The following MGAT4C variants were observed in gnomAD, a reference collection of about 807,000 sequenced individuals.
MGAT4C encodes the protein MGAT4 family member C.
Under a neutral mutation model 40.1 loss-of-function variants are expected in MGAT4C, and 19 were observed. That is an observed-to-expected ratio of 0.47 (90% CI 0.33 to 0.70). MGAT4C has a LOEUF of 0.70. MGAT4C is among the 30% of genes least tolerant of loss of function. The probability of loss-of-function intolerance (pLI) is 0.02; values close to 1 mark genes in which losing one functional copy is unlikely to be tolerated. For missense variants in MGAT4C, 491 were observed against 563.2 expected, an observed-to-expected ratio of 0.87 and a Z score of 1.30; for synonymous variants, 181 against 187.1, an observed-to-expected ratio of 0.97 and a Z score of 0.27.
At chr12:86,473,596 A>G (rs1438186921) in intron 2 of MGAT4C, among the ~76,000 whole-genome samples, 1 of 152,204 alleles carries the variant, frequency 6.6e-6, no homozygotes, top group Non-Finnish European at 1.5e-5. Flanking sequence ...TGCCTTCAAG[A>G]GCCTTGAGAA....
intron 4 of MGAT4C, among the ~76,000 whole-genome samples, chr12:86,322,799 G>A (rs1954428155): frequency 1.3e-5 from 2 of 152,026 alleles, no homozygotes; most frequent in South Asian, 2.1e-4. Context: ...TTTTTAGATT[G>A]CAAAATTATA....
At chr12:86,011,774 A>G in intron 2 of MGAT4C, 1 of 921,042 alleles carries the variant, frequency 1.1e-6, no homozygotes, top group East Asian at 1.2e-4. Flanking sequence ...TAAACACTAT[A>G]TTGAACATGG....
intron 1 of MGAT4C, among the ~76,000 whole-genome samples, chr12:86,071,799 T>C (rs1377196544): frequency 6.6e-6 from 1 of 152,146 alleles, no homozygotes; most frequent in Non-Finnish European, 1.5e-5. Flanking sequence ...TAAAACGTGT[T>C]AGATCCAGAA....
At chr12:86,620,441 T>C (rs762552192) in intron 2 of MGAT4C, among the ~76,000 whole-genome samples, 2 of 152,168 alleles carry the variant, frequency 1.3e-5, no homozygotes, top group East Asian at 1.9e-4. Flanking sequence ...GAGGCCATTA[T>C]CTTATAAGAA....
chr12:86,474,899 C>T (rs2136307169), intron 2 of MGAT4C, among the ~76,000 whole-genome samples: 1 of 151,950 alleles, frequency 6.6e-6, no homozygotes, highest in East Asian at 1.9e-4. Context: ...TCCAACCAGT[C>T]AATAATTGAA....
chr12:86,789,552 G>T (rs1359023604), intron 1 of MGAT4C, among the ~76,000 whole-genome samples: 1 of 152,046 alleles, frequency 6.6e-6, no homozygotes, highest in East Asian at 1.9e-4. Context: ...TTTCAGCCCA[G>T]TTGAACACTC....
chr12:86,091,458 G>C (rs1160423671), intron 1 of MGAT4C, among the ~76,000 whole-genome samples: 2 of 151,990 alleles, frequency 1.3e-5, no homozygotes, highest in African/African-American at 4.8e-5. Flanking sequence ...AAAGAAAGCA[G>C]AGCATAAAGT....
chr12:86,335,339 TAA>T (rs1381459940), intron 3 of MGAT4C, among the ~76,000 whole-genome samples: 1 of 152,148 alleles, frequency 6.6e-6, no homozygotes. Flanking sequence ...TACAACCCAG[TAA>T]AGTCTTTCTC....
chr12:86,305,695 T>C (rs1953919068), intron 4 of MGAT4C, among the ~76,000 whole-genome samples: 1 of 150,468 alleles, frequency 6.6e-6, no homozygotes, highest in Non-Finnish European at 1.5e-5. Context: ...AATCTATGCA[T>C]ATCCTCCTCT....
intron 3 of MGAT4C, among the ~76,000 whole-genome samples, chr12:86,421,497 C>T (rs542812955): frequency 2.6e-5 from 4 of 152,256 alleles, no homozygotes; most frequent in East Asian, 1.9e-4. Context: ...ATTGGCCTGG[C>T]GCCATGGCTC....
chr12:86,476,986 C>T (rs1327575836), intron 2 of MGAT4C, among the ~76,000 whole-genome samples: 1 of 151,970 alleles, frequency 6.6e-6, no homozygotes, highest in Non-Finnish European at 1.5e-5. Flanking sequence ...ACTATGCTGA[C>T]CATCTGGGTG....
intron 1 of MGAT4C, among the ~76,000 whole-genome samples, chr12:86,222,779 A>G (rs1426122477): frequency 2.6e-5 from 4 of 152,264 alleles, no homozygotes; most frequent in Admixed American, 1.3e-4. Context: ...TTTAACTTGT[A>G]CTCTTCTTTG....
In MGAT4C at chr12:86,482,001, T is replaced by C. The variant is rs773882561; in HGVS notation, c.-228-46736A>G. Among the ~76,000 whole-genome samples, 31 of 151,400 alleles carry C rather than the reference T, an allele frequency of 2.0e-4. 1 individual carries two copies. In the Middle Eastern group the frequency reaches 0.021, roughly 100 times the overall value. Reference sequence around the variant, plus strand: ...GCAGCATATATTAAAATATCCCTGATAGTGACAATTTCTAGGTTGTAAAAC... The same window carrying C: ...GCAGCATATATTAAAATATCCCTGACAGTGACAATTTCTAGGTTGTAAAAC... On this transcript the variant is annotated intron_variant, in intron 2 of 7. Coordinates refer to the MGAT4C transcript ENST00000548651.
chr12:86,441,797 C>T (rs1226521321), intron 2 of MGAT4C, among the ~76,000 whole-genome samples: 2 of 152,000 alleles, frequency 1.3e-5, no homozygotes. Flanking sequence ...AATAGTGCTG[C>T]AATAAACATA....
intron 1 of MGAT4C, among the ~76,000 whole-genome samples, chr12:86,243,662 A>T (rs1052728874): frequency 6.6e-6 from 1 of 152,160 alleles, no homozygotes; most frequent in Non-Finnish European, 1.5e-5. Context: ...ACTGATGGCC[A>T]TCAGGAAAAC....
intron 2 of MGAT4C, among the ~76,000 whole-genome samples, chr12:86,514,308 G>A (rs1958646316): frequency 1.3e-5 from 2 of 152,042 alleles, no homozygotes; most frequent in Admixed American, 6.6e-5. Context: ...CTTGCCAGAG[G>A]GGGATCTGTA....
At chr12:86,419,583 A>G (rs187901573) in intron 3 of MGAT4C, among the ~76,000 whole-genome samples, 24 of 152,296 alleles carry the variant, frequency 1.6e-4, no homozygotes, top group Admixed American at 8.5e-4. Context: ...GAATAAAAGC[A>G]TGACACTTTA....
chr12:86,664,863 T>C (rs1377742793), intron 2 of MGAT4C, among the ~76,000 whole-genome samples: 1 of 152,108 alleles, frequency 6.6e-6, no homozygotes, highest in Non-Finnish European at 1.5e-5. Flanking sequence ...TAAACTAACT[T>C]TTTTTTGGAT....
At chr12:86,363,444 G>A (rs1314675002) in intron 3 of MGAT4C, among the ~76,000 whole-genome samples, 4 of 152,084 alleles carry the variant, frequency 2.6e-5, no homozygotes, top group Non-Finnish European at 4.4e-5. Flanking sequence ...CATAAAATGT[G>A]TAGGATGCAG....
Sources: allele counts gnomAD v4.1 joint callset (sites outside exome capture counted in the v4.1 genomes callset), GRCh38; gene constraint gnomAD v4.1.1; transcripts MANE v1.5; gene names NCBI Gene and HGNC (gene_info 2026-07-23, HGNC 2026-07-21).